Variants in SEPTIN3 observed in about 807,000 individuals in gnomAD.
SEPTIN3 encodes septin 3, also known as neuronal-specific septin-3.
In SEPTIN3, 15 loss-of-function variants were observed where a neutral mutation model predicts 45.1. The ratio of observed to expected loss-of-function variants is 0.33; its 90% CI spans 0.22 to 0.51. SEPTIN3 has a LOEUF of 0.51. Among genes scored for constraint, SEPTIN3 ranks in the 20% least tolerant of loss-of-function variants. The pLI is 0.97. For synonymous variants in SEPTIN3, 148 were observed against 164.8 expected, an observed-to-expected ratio of 0.90 and a Z score of 0.78; for missense variants, 289 against 457.2, an observed-to-expected ratio of 0.63 and a Z score of 3.35.
intron 8 of SEPTIN3, among the ~76,000 whole-genome samples, chr22:41,992,048 T>C (rs188595576): frequency 1.8e-3 from 274 of 152,238 alleles, no homozygotes; most frequent in African/African-American, 6.4e-3. Flanking sequence ...GGGGTTAGAC[T>C]GAGTGGCTTA....
intron 6 of SEPTIN3, 124 bp from the exon 7 acceptor site, chr22:41,989,443 C>G: frequency 1.5e-6 from 1 of 688,324 alleles, no homozygotes; most frequent in Non-Finnish European, 2.7e-6. Flanking sequence ...GAGGTAGCAG[C>G]CTCTTGGCCT....
Position 41,987,241 on chromosome 22 carries a change from G to A in SEPTIN3, c.1861G>A (p.Val621Ile), listed in dbSNP as rs200257467. 1.3e-4 allele frequency: 203 copies of A among 1,613,666 alleles called. No individual in the cohort carries two copies. Among genetic ancestry groups the A allele is most frequent in the Admixed American group, 3.0e-4 (18 of 59,876 alleles). The change falls in exon 5 of 12, where the codon GTC (valine) becomes ATC (isoleucine). Residue 621 changes from valine (V) to isoleucine (I), a missense_variant. Coordinates refer to ENST00000644076, the MANE Select transcript of SEPTIN3 (RefSeq NM_001363845.2). The part of the protein sequence containing the change: ...EEGGVKMKLT[V>I]IDTPGFGDQI... ...AGGCGGTGTCAAAATGAAGCTGACCGTCATCGACACCCCAGGCTTTGGAGA... is the reference window on the plus strand; with the variant it reads ...AGGCGGTGTCAAAATGAAGCTGACCATCATCGACACCCCAGGCTTTGGAGA...
rs1602408130 is a variant in SEPTIN3, at chr22:41,972,063, C to T, written c.571C>T (p.Leu191=). Residue 191 remains leucine, a synonymous_variant, in exon 2 of 12, where the codon CTA becomes TTA. Coordinates refer to ENST00000644076, the MANE Select transcript of SEPTIN3 (RefSeq NM_001363845.2). The part of the protein sequence containing the change: ...ATEKPLVSSY[L]ALPFQSRLAQ... Reference sequence around the variant, plus strand: ...GGAGAAGCCCCTGGTGAGTTCCTACCTAGCCTTACCTTTCCAATCCCGGTT... The same window carrying T: ...GGAGAAGCCCCTGGTGAGTTCCTACTTAGCCTTACCTTTCCAATCCCGGTT... 6 of 398,992 alleles carry T rather than the reference C, an allele frequency of 1.5e-5. No individual in the cohort carries two copies. In the East Asian group the frequency reaches 1.8e-4, roughly 12 times the overall value. 24.7% of individuals were successfully genotyped at this position (398,992 alleles called of 1,614,324 possible).
rs531047068 is a variant in SEPTIN3, at chr22:41,997,582, G to A, written c.*615G>A. The A allele has an allele frequency of 1.3e-5, 2 of 152,422 alleles. No individual in the cohort carries two copies. Among genetic ancestry groups the A allele is most frequent in the Admixed American group, 1.3e-4 (2 of 15,294 alleles). 9.4% of individuals were successfully genotyped at this position (152,422 alleles called of 1,614,324 possible). On this transcript the variant is annotated 3_prime_UTR_variant, in exon 12 of 12. Transcript: ENST00000644076. ...CCCACCTCATAACGCAGCCACTGAG[G>A]AAGAGTGGTTTTCCTAAGAAGACAT...
At chr22:41,980,357 C>T (rs543479698) in intron 2 of SEPTIN3, among the ~76,000 whole-genome samples, 1 of 152,172 alleles carries the variant, frequency 6.6e-6, no homozygotes, top group African/African-American at 2.4e-5. Context: ...AGGCTGGTCT[C>T]GAACTCCTGA....
At position 41,987,772 on chromosome 22, in the gene SEPTIN3, C is replaced by T. The variant is rs1212944758; in HGVS notation, c.2045+13C>T. 2 of 1,603,522 alleles carry T rather than the reference C, an allele frequency of 1.2e-6. No homozygotes were observed. The highest frequency in any genetic ancestry group is 4.5e-5 in the East Asian group (2 of 44,580). ...CCACAGGACACTCGTATGTACCAAC[C>T]CTACCCCTATTGTCAGGCCTGGTCT... On this transcript the variant is annotated intron_variant, in intron 6 of 11. Coordinates refer to ENST00000644076, the MANE Select transcript of SEPTIN3 (RefSeq NM_001363845.2).
rs370195025 is a variant in SEPTIN3 at position 41,994,404 on chromosome 22, C to T, written c.2411+63C>T. The T allele has an allele frequency of 1.2e-5, 19 of 1,571,666 alleles. No individual in the cohort carries two copies. The African/African-American group carries it at 2.4e-4, about 20-fold the overall frequency. ...TGAATTATTTGGGGTCAGGGTCTATCTGTTCAGATTCACCTCCTGCATCTC... is the reference window on the plus strand; with the variant it reads ...TGAATTATTTGGGGTCAGGGTCTATTTGTTCAGATTCACCTCCTGCATCTC... On this transcript the variant is annotated intron_variant, in intron 10 of 11. Coordinates refer to ENST00000644076, the MANE Select transcript of SEPTIN3 (RefSeq NM_001363845.2). This position sits in a 1 kb window ranked among gnomAD's most constrained non-coding sequence, Gnocchi z 4.2.
At chr22:41,987,083 A>AT in intron 4 of SEPTIN3, 123 bp from the exon 5 acceptor site, 1 of 649,898 alleles carries the variant, frequency 1.5e-6, no homozygotes, top group South Asian at 2.3e-5. Context: ...AAGACCCTAA[A>AT]TTTGACTTTT....
chr22:41,979,439 G>A (rs1409267778), intron 2 of SEPTIN3, among the ~76,000 whole-genome samples: 1 of 152,206 alleles, frequency 6.6e-6, no homozygotes. Context: ...GACCAAATGG[G>A]CTCAGCTGCA....
At chr22:41,980,001 C>T (rs1427864063) in intron 2 of SEPTIN3, among the ~76,000 whole-genome samples, 3 of 152,154 alleles carry the variant, frequency 2.0e-5, no homozygotes, top group Non-Finnish European at 2.9e-5. Context: ...AACAACCATG[C>T]TTGTGTAACT....
intron 11 of SEPTIN3, chr22:41,995,963 A>G (rs1410892597): frequency 1.0e-6 from 1 of 984,928 alleles, no homozygotes; most frequent in East Asian, 1.1e-4. Flanking sequence ...TTCAAAGACA[A>G]ATTTTTGACC....
In SEPTIN3 at chr22:41,972,398, C is replaced by G. The variant is rs1025048275; in HGVS notation, c.906C>G (p.Ile302Met). 2.5e-6 allele frequency: 1 copy of G among 399,004 alleles called. No individual in the cohort carries two copies. The highest frequency in any genetic ancestry group is 2.1e-5 in the African/African-American group (1 of 48,642). The allele number at this position is 399,004 out of a possible 1,614,324, so 24.7% of individuals were successfully genotyped here. A position where few individuals can be genotyped will look rare whatever the true frequency, so the allele number is the denominator to read the frequency against. ...DTGTEFPALD[I>M]KLGTARDLSS... ...GCACAGAGTTCCCTGCCCTGGATAT[C>G]AAGCTGGGCACAGCCAGAGACTTGT... Residue 302 changes from isoleucine to methionine, a missense_variant, in exon 2 of 12, where the codon ATC (isoleucine) becomes ATG (methionine). By Grantham distance (10) the Ile-to-Met change is conservative (BLOSUM62 1). Transcript: ENST00000644076.
At chr22:41,992,804 G>T in intron 9 of SEPTIN3, 41 bp downstream of exon 9, 1 of 1,327,304 alleles carries the variant, frequency 7.5e-7, no homozygotes, top group East Asian at 2.3e-5. Flanking sequence ...TTGCTGATCA[G>T]TTATCCAGTC....
intron 1 of SEPTIN3, 142 bp downstream of exon 1, chr22:41,969,819 C>T (rs1012323681): frequency 6.6e-6 from 1 of 152,180 alleles, no homozygotes; most frequent in Non-Finnish European, 1.5e-5. Context: ...CCTCGGACAC[C>T]CTGTCCTCTG....
chr22:41,994,300 C>G lies in SEPTIN3; in HGVS notation c.2370C>G (p.Leu790=), dbSNP rs746091838. Reference sequence around the variant, plus strand: ...TTGTTTTGTTCATAGTGGAAAACCTCAACCACTGTGAGTTTGCCCTGCTTC... The same window carrying G: ...TTGTTTTGTTCATAGTGGAAAACCTGAACCACTGTGAGTTTGCCCTGCTTC... The part of the protein sequence containing the change: ...TPWGIIEVEN[L]NHCEFALLRD... Residue 790 remains leucine, a synonymous_variant, in exon 10 of 12, where the codon CTC becomes CTG. Transcript: ENST00000644076. This position sits in a 1 kb window ranked among gnomAD's most constrained non-coding sequence, Gnocchi z 4.2. 6.2e-7 allele frequency: 1 copy of G among 1,614,020 alleles called. No individual in the cohort carries two copies. The highest frequency in any genetic ancestry group is 1.1e-5 in the South Asian group (1 of 91,080).
At chr22:41,990,314 A>G (rs1200457362) in intron 7 of SEPTIN3, among the ~76,000 whole-genome samples, 6 of 150,356 alleles carry the variant, frequency 4.0e-5, no homozygotes, top group Non-Finnish European at 7.4e-5. Context: ...TCGGCCTCCC[A>G]AAGTGCTGGG....
chr22:41,982,426 C>G (rs996633582), intron 3 of SEPTIN3, among the ~76,000 whole-genome samples: 1 of 151,976 alleles, frequency 6.6e-6, no homozygotes, highest in Non-Finnish European at 1.5e-5. Flanking sequence ...GAGAATCGCT[C>G]GAACCCGGGA....
At position 41,972,935 on chromosome 22, in the gene SEPTIN3, T is replaced by A. The variant is rs1369753433; in HGVS notation, c.1443T>A (p.Thr481=). 2.5e-6 allele frequency: 1 copy of A among 398,946 alleles called. No homozygotes were observed. Among genetic ancestry groups the A allele is most frequent in the Non-Finnish European group, 4.4e-6 (1 of 226,178 alleles). The allele number at this position is 398,946 out of a possible 1,614,324, so 24.7% of individuals were successfully genotyped here. Residue 481 remains threonine, a synonymous_variant, in exon 2 of 12, where the codon ACT becomes ACA. Coordinates refer to ENST00000644076, the MANE Select transcript of SEPTIN3 (RefSeq NM_001363845.2). ...CCACAGACCTAGCCCTGGACAACAC[T>A]AATGCTGCCATGGACAGAGCCACAG... ...SRSTDLALDN[T]NAAMDRATEP... is the part of the protein sequence containing the mutation.
At position 41,985,966 on chromosome 22, in the gene SEPTIN3, C is replaced by T. The variant is rs772404234; in HGVS notation, c.1697-18C>T. 1.9e-6 allele frequency: 3 copies of T among 1,594,352 alleles called. No individual in the cohort carries two copies. The highest frequency in any genetic ancestry group is 3.5e-5 in the Admixed American group (2 of 56,576). ...TGGATGCAGAGTCTCCCTACCTCCT[C>T]CTCCTGCTTTGCTGTAGGCCAGAGT... is the stretch of plus-strand genomic sequence containing the variant. On this transcript the variant is annotated intron_variant, in intron 3 of 11. Coordinates refer to ENST00000644076, the MANE Select transcript of SEPTIN3 (RefSeq NM_001363845.2).
Sources: allele counts gnomAD v4.1 joint callset (sites outside exome capture counted in the v4.1 genomes callset), GRCh38; gene constraint gnomAD v4.1.1; non-coding constraint Gnocchi (gnomAD v3.1); transcripts MANE v1.5; gene names NCBI Gene and HGNC (gene_info 2026-07-23, HGNC 2026-07-21).